The following FKBP10 variants were observed in gnomAD, a reference collection of about 807,000 sequenced individuals.
FKBP10 encodes the protein FKBP prolyl isomerase 10, also known as peptidyl-prolyl cis-trans isomerase FKBP10.
A neutral mutation model predicts 53.7 loss-of-function variants in FKBP10; 34 were observed. The ratio of observed to expected loss-of-function variants is 0.63; its 90% CI spans 0.48 to 0.84. The LOEUF is 0.84. Ranked by LOEUF, FKBP10 falls within the 40% of genes least tolerant of loss-of-function variation. The probability of loss-of-function intolerance (pLI) is 0.00; values close to 1 mark genes in which losing one functional copy is unlikely to be tolerated. For missense variants in FKBP10, 748 were observed against 797.8 expected, an observed-to-expected ratio of 0.94 and a Z score of 0.75; for synonymous variants, 324 against 335.7, an observed-to-expected ratio of 0.97 and a Z score of 0.38.
intron 1 of FKBP10, 149 bp downstream of exon 1, chr17:41,813,428 A>T (rs1597902708): frequency 1.0e-6 from 1 of 998,308 alleles, no homozygotes; most frequent in East Asian, 2.5e-5. Flanking sequence ...CTCCCCAAAG[A>T]TACCCTCCTG....
chr17:41,817,249 G>A (rs782608468), intron 2 of FKBP10, 46 bp downstream of exon 2: 1 of 1,603,894 alleles, frequency 6.2e-7, no homozygotes, highest in Admixed American at 1.7e-5. Context: ...AGACCACGAG[G>A]CAGAATCAGG....
rs1272991244 is a variant in FKBP10 at position 41,818,223 on chromosome 17, T to A, written c.526T>A (p.Phe176Ile). The A allele has an allele frequency of 6.2e-7, 1 of 1,613,462 alleles. No homozygotes were observed. The highest frequency in any genetic ancestry group is 1.3e-5 in the African/African-American group (1 of 74,950). ...CCCCCGCATGGTCCAGGACGGCGAC[T>A]TTGTCCGCTACCACTACAATGGCAC... ...HCPRMVQDGDFVRYHYNGTLL... is the reference protein window; with the variant it reads ...HCPRMVQDGDIVRYHYNGTLL... Residue 176 changes from phenylalanine to isoleucine, a missense_variant, in exon 3 of 10, where the codon TTT becomes ATT. Physicochemically the swap from Phe to Ile is conservative, Grantham distance 21. Coordinates refer to ENST00000321562, the MANE Select transcript of FKBP10 (RefSeq NM_021939.4).
At position 41,818,228 on chromosome 17, in the gene FKBP10, C is replaced by T. The variant is rs782757300; in HGVS notation, c.531C>T (p.Val177=). ...CPRMVQDGDF[V]RYHYNGTLLD... ...GCATGGTCCAGGACGGCGACTTTGT[C>T]CGCTACCACTACAATGGCACCCTGC... is the stretch of plus-strand genomic sequence containing the variant. Residue 177 remains valine, a synonymous_variant, in exon 3 of 10, where the codon GTC becomes GTT. Coordinates refer to ENST00000321562, the MANE Select transcript of FKBP10 (RefSeq NM_021939.4). 1 of 1,613,562 alleles carries T rather than the reference C, an allele frequency of 6.2e-7. No individual in the cohort carries two copies. The highest frequency in any genetic ancestry group is 1.1e-5 in the South Asian group (1 of 91,088).
intron 9 of FKBP10, 93 bp downstream of exon 9, chr17:41,821,910 A>AC: frequency 6.6e-7 from 1 of 1,506,414 alleles, no homozygotes. Flanking sequence ...CGGACTGCCC[A>AC]CCCGCCCTGG....
In FKBP10 at chr17:41,813,040, C is replaced by A. The variant is rs1555615644; in HGVS notation, c.6C>A (p.Phe2Leu). 1 of 1,609,756 alleles carries A rather than the reference C, an allele frequency of 6.2e-7. No individual in the cohort carries two copies. Among genetic ancestry groups the A allele is most frequent in the Non-Finnish European group, 8.5e-7 (1 of 1,179,526 alleles). Reference protein sequence around the residue: MFPAGPPSHSLL... With the variant: MLPAGPPSHSLL... Reference sequence around the variant, plus strand: ...CGGTCCCAACTCCAGGCACCATGTTCCCCGCGGGCCCCCCCAGCCACAGCC... The same window carrying A: ...CGGTCCCAACTCCAGGCACCATGTTACCCGCGGGCCCCCCCAGCCACAGCC... The change falls in exon 1 of 10, where the codon TTC (phenylalanine) becomes TTA (leucine). Residue 2 changes from phenylalanine (F) to leucine (L), a missense_variant. Physicochemically the swap from Phe to Leu is conservative, Grantham distance 22. Coordinates refer to ENST00000321562, the MANE Select transcript of FKBP10 (RefSeq NM_021939.4).
At chr17:41,814,749 T>G (rs2047793691) in intron 1 of FKBP10, among the ~76,000 whole-genome samples, 1 of 150,486 alleles carries the variant, frequency 6.6e-6, no homozygotes, top group African/African-American at 2.4e-5. Flanking sequence ...GGAAAACTTT[T>G]TGTTTTTTAG....
chr17:41,819,646 C>G lies in FKBP10; in HGVS notation c.1034C>G (p.Pro345Arg). 4 of 1,609,794 alleles carry G rather than the reference C, an allele frequency of 2.5e-6. No homozygotes were observed. Among genetic ancestry groups the G allele is most frequent in the Non-Finnish European group, 3.4e-6 (4 of 1,178,204 alleles). Reference sequence around the variant, plus strand: ...GAACGCCGGAGAATTACCATCCCCCCGCACCTCGCCTATGGGGAGAATGGA... The same window carrying G: ...GAACGCCGGAGAATTACCATCCCCCGGCACCTCGCCTATGGGGAGAATGGA... Reference protein sequence around the residue: ...MGERRRITIPPHLAYGENGTG... With the variant: ...MGERRRITIPRHLAYGENGTG... The change falls in exon 6 of 10, where the codon CCG (proline) becomes CGG (arginine). Residue 345 changes from proline to arginine, a missense_variant. Physicochemically the swap from Pro to Arg is moderately radical, Grantham distance 103 (BLOSUM62 -2). Coordinates refer to ENST00000321562, the MANE Select transcript of FKBP10 (RefSeq NM_021939.4).
In FKBP10 at chr17:41,820,977, T is replaced by C; in HGVS notation, c.1287T>C (p.Thr429=). ...SHDYGAPQEA[T]LGANKVIEGL... ...ACTACGGGGCCCCCCAGGAGGCGAC[T>C]CTCGGGGCCAACAAGGTGATCGAAG... Residue 429 remains threonine, a synonymous_variant, in exon 8 of 10, where the codon ACT becomes ACC. Coordinates refer to ENST00000321562, the MANE Select transcript of FKBP10 (RefSeq NM_021939.4). The C allele has an allele frequency of 6.2e-7, 1 of 1,612,012 alleles. No homozygotes were observed. Among genetic ancestry groups the C allele is most frequent in the Non-Finnish European group, 8.5e-7 (1 of 1,179,448 alleles).
At chr17:41,817,632 TTTC>T (rs2047832755) in intron 2 of FKBP10, among the ~76,000 whole-genome samples, 1 of 41,202 alleles carries the variant, frequency 2.4e-5, no homozygotes, top group African/African-American at 4.5e-5. Flanking sequence ...TTTTTTTCTT[TTTC>T]TTTTTTTTTT....
At chr17:41,821,247 C>T (rs981651154) in intron 8 of FKBP10, among the ~76,000 whole-genome samples, 158 bp downstream of exon 8, 68 of 150,186 alleles carry the variant, frequency 4.5e-4, no homozygotes, top group Non-Finnish European at 9.0e-4. Context: ...CTCAGCCTCC[C>T]GAGTAGCTGG....
rs1196591702 is a variant in FKBP10, at chr17:41,822,548, CA to C, written c.*141del. On this transcript the variant is annotated 3_prime_UTR_variant, in exon 10 of 10. Transcript: ENST00000321562. ...CCAACTAAAACAATGGCAGAGGAGA[CA>C]TCTCTGGTGTTCCCACCACCCTAGA... 5.0e-5 allele frequency: 46 copies of C among 921,728 alleles called. No homozygotes were observed. In the East Asian group the frequency reaches 1.2e-3, roughly 24 times the overall value. 57.1% of individuals were successfully genotyped at this position (921,728 alleles called of 1,614,324 possible). A position where few individuals can be genotyped will look rare whatever the true frequency, so the allele number is the denominator to read the frequency against.
In FKBP10 at chr17:41,822,534, A is replaced by T; in HGVS notation, c.*126A>T. ...ATGAGGTCCAGGAGCCAACTAAAAC[A>T]ATGGCAGAGGAGACATCTCTGGTGT... On this transcript the variant is annotated 3_prime_UTR_variant, in exon 10 of 10. Transcript: ENST00000321562. The T allele has an allele frequency of 1.9e-6, 2 of 1,056,384 alleles. No individual in the cohort carries two copies. The highest frequency in any genetic ancestry group is 4.0e-5 in the Admixed American group (2 of 50,214). 65.4% of individuals were successfully genotyped at this position (1,056,384 alleles called of 1,614,324 possible). A position where few individuals can be genotyped will look rare whatever the true frequency, so the allele number is the denominator to read the frequency against.
chr17:41,818,403 T>C lies in FKBP10; in HGVS notation c.603T>C (p.Tyr201=), dbSNP rs1360982969. Residue 201 remains tyrosine, a synonymous_variant, in exon 4 of 10, where the codon TAT becomes TAC. Transcript: ENST00000321562. ...FDTSYSKGGT[Y]DTYVGSGWLI... is the part of the protein sequence containing the mutation. ...GCAGCTACAGTAAGGGCGGCACTTA[T>C]GACACCTACGTCGGCTCTGGTTGGC... 4 of 1,614,188 alleles carry C rather than the reference T, an allele frequency of 2.5e-6. No homozygotes were observed. The highest frequency in any genetic ancestry group is 2.2e-5 in the East Asian group (1 of 44,868).
At position 41,820,407 on chromosome 17, in the gene FKBP10, T is replaced by C; in HGVS notation, c.1202T>C (p.Phe401Ser). The change falls in exon 7 of 10, where the codon TTT becomes TCT. Residue 401 changes from phenylalanine (F) to serine (S), a missense_variant. Phe to Ser is a radical substitution (Grantham distance 155). Coordinates refer to ENST00000321562, the MANE Select transcript of FKBP10 (RefSeq NM_021939.4). ...AATGAGACCACCAAGCTTGGGGACT[T>C]TGTTCGATACCATTACAACTGTTCT... The part of the protein sequence containing the change: ...TCNETTKLGD[F>S]VRYHYNCSLL... 6.2e-7 allele frequency: 1 copy of C among 1,614,172 alleles called. No individual in the cohort carries two copies. The highest frequency in any genetic ancestry group is 1.3e-5 in the African/African-American group (1 of 75,040).
chr17:41,817,244 A>G, intron 2 of FKBP10, 41 bp downstream of exon 2: 1 of 1,605,444 alleles, frequency 6.2e-7, no homozygotes, highest in East Asian at 2.2e-5. Flanking sequence ...GGAGGAGACC[A>G]CGAGGCAGAA....
Position 41,822,194 on chromosome 17 carries a change from C to T in FKBP10, c.1564-29C>T, listed in dbSNP as rs782070341. On this transcript the variant is annotated intron_variant, in intron 9 of 9. Transcript: ENST00000321562. ...CCTCCCAAGGCCATGACCCTCACTG[C>T]CCGCTCCCCCGGCTCTCCCCTGCCC... 7 of 1,600,764 alleles carry T rather than the reference C, an allele frequency of 4.4e-6. No homozygotes were observed. In the Admixed American group the frequency reaches 1.0e-4, roughly 23 times the overall value.
chr17:41,820,465 G>A lies in FKBP10; in HGVS notation c.1256+4G>A. On this transcript the variant is annotated splice_donor_region_variant and intron_variant, in intron 7 of 9. Coordinates refer to ENST00000321562, the MANE Select transcript of FKBP10 (RefSeq NM_021939.4). The stretch of plus-strand genomic sequence containing the variant: ...ACGGCACCCAGCTGTTCACCTCGTG[G>A]GTCCGGGGGGGGGCCGGGACTGGGC... 13 of 1,613,538 alleles carry A rather than the reference G, an allele frequency of 8.1e-6. No homozygotes were observed. The highest frequency in any genetic ancestry group is 1.0e-5 in the Non-Finnish European group (12 of 1,179,994).
chr17:41,816,048 G>A (rs1424671540), intron 1 of FKBP10, among the ~76,000 whole-genome samples: 1 of 151,216 alleles, frequency 6.6e-6, no homozygotes, highest in Non-Finnish European at 1.5e-5. Flanking sequence ...TGAGGCAGGA[G>A]AATCGCTTAA....
chr17:41,813,297 C>A lies in FKBP10; in HGVS notation c.245+18C>A. ...GATTCAAGGTAACCCCGGTTGGGCG[C>A]CCCCGGATTCACCACTCCGTCCCCT... On this transcript the variant is annotated intron_variant, in intron 1 of 9. Coordinates refer to ENST00000321562, the MANE Select transcript of FKBP10 (RefSeq NM_021939.4). 2 of 1,613,084 alleles carry A rather than the reference C, an allele frequency of 1.2e-6. No individual in the cohort carries two copies. The highest frequency in any genetic ancestry group is 1.7e-6 in the Non-Finnish European group (2 of 1,179,792).
Sources: allele counts gnomAD v4.1 joint callset (sites outside exome capture counted in the v4.1 genomes callset), GRCh38; gene constraint gnomAD v4.1.1; transcripts MANE v1.5; gene names NCBI Gene and HGNC (gene_info 2026-07-23, HGNC 2026-07-21).